GTF3C1: variants seen among roughly 807,000 people sequenced by gnomAD.
GTF3C1 encodes the protein general transcription factor 3C polypeptide 1.
A neutral mutation model predicts 226.7 loss-of-function variants in GTF3C1; 57 were observed. The observed-to-expected ratio is 0.25, with a 90% CI of 0.20 to 0.31. GTF3C1 has a LOEUF of 0.31. Among genes scored for constraint, GTF3C1 ranks in the 10% least tolerant of loss-of-function variants. The pLI is 1.00. For missense variants in GTF3C1, 2,217 were observed against 2,776.1 expected (o/e 0.80, Z 4.53); for synonymous variants, 1,090 against 1,084.8 (o/e 1.00, Z -0.09).
rs1187537916 is a variant in GTF3C1 at position 27,462,288 on chromosome 16, C to T, written c.6117+6G>A. 6.5e-7 allele frequency: 1 copy of T among 1,546,600 alleles called. No individual in the cohort carries two copies. The highest frequency in any genetic ancestry group is 8.7e-7 in the Non-Finnish European group (1 of 1,145,718). ...ACACCCTGCTGAACCCAGGAAGGCC[C>T]CACACCTGGAGCAACTCCAGCACGG... On this transcript the variant is annotated splice_donor_region_variant and intron_variant, in intron 36 of 36. Coordinates refer to ENST00000356183, the MANE Select transcript of GTF3C1 (RefSeq NM_001520.4). This position sits in a 1 kb window ranked among gnomAD's most constrained non-coding sequence, Gnocchi z 4.5.
rs371689122 is a variant in GTF3C1, at chr16:27,502,827, G to GCAGA, written c.1907+28_1907+31dup. ...GGTAGGAGGATTACTGTTAGTGCCA[G>GCAGA]CAGACAGACAGACAGACAGACAGCT... On this transcript the variant is annotated intron_variant, in intron 11 of 36. Transcript: ENST00000356183. 1,716 of 1,549,748 alleles carry GCAGA rather than the reference G, an allele frequency of 1.1e-3. 2 individuals are homozygous for GCAGA. Among genetic ancestry groups the GCAGA allele is most frequent in the South Asian group, 3.9e-3 (327 of 84,024 alleles).
chr16:27,505,821 A>G, intron 10 of GTF3C1, 78 bp downstream of exon 10: 1 of 839,004 alleles, frequency 1.2e-6, no homozygotes, highest in Middle Eastern at 2.5e-4. Flanking sequence ...CACTGTGATC[A>G]TGTGATTCCT....
At position 27,518,188 on chromosome 16, in the gene GTF3C1, GAC is replaced by G. The variant is rs113867049; in HGVS notation, c.974-6289_974-6288del. On this transcript the variant is annotated intron_variant, in intron 6 of 36. Transcript: ENST00000356183. The stretch of plus-strand genomic sequence containing the variant: ...TTACCTCCCCACCACCCCCGCCCAA[GAC>G]ACACACACACACACACACATGCCTG... Among the ~76,000 whole-genome samples, 999 of 148,918 alleles carry G rather than the reference GAC, an allele frequency of 6.7e-3. 12 individuals carry two copies. Among genetic ancestry groups the G allele is most frequent in the African/African-American group, 0.022 (887 of 40,920 alleles).
intron 34 of GTF3C1, 189 bp downstream of exon 34, chr16:27,464,131 T>C (rs1458338987): frequency 6.6e-6 from 3 of 453,408 alleles, no homozygotes; most frequent in Non-Finnish European, 1.1e-5. Context: ...AGGCCTGCCC[T>C]CCCCTGGAAA....
chr16:27,495,515 C>G, intron 14 of GTF3C1, 23 bp from the exon 15 acceptor site: 1 of 1,600,632 alleles, frequency 6.2e-7, no homozygotes, highest in Non-Finnish European at 8.5e-7. Context: ...AGGGAGAGGG[C>G]GGTGCTTGAA....
At chr16:27,535,218 T>C (rs2088982157) in intron 4 of GTF3C1, among the ~76,000 whole-genome samples, 1 of 152,196 alleles carries the variant, frequency 6.6e-6, no homozygotes, top group Non-Finnish European at 1.5e-5. Context: ...GTTAATAACT[T>C]CGTAGCCACC....
At chr16:27,547,205 C>G (rs1380892230) in intron 1 of GTF3C1, among the ~76,000 whole-genome samples, 2 of 152,150 alleles carry the variant, frequency 1.3e-5, no homozygotes, top group Non-Finnish European at 2.9e-5. Context: ...AGCTATATCT[C>G]AAGACCTCCA....
intron 12 of GTF3C1, among the ~76,000 whole-genome samples, chr16:27,500,799 T>C (rs2088393999): frequency 6.6e-6 from 1 of 152,274 alleles, no homozygotes; most frequent in South Asian, 2.1e-4. Flanking sequence ...ACTGACTCAA[T>C]GCCATTGCTT....
chr16:27,473,654 A>G (rs947820229), intron 29 of GTF3C1, among the ~76,000 whole-genome samples: 6 of 151,922 alleles, frequency 3.9e-5, no homozygotes, highest in African/African-American at 1.4e-4. Context: ...GGAGGGACAC[A>G]AGGGGACCGG....
intron 1 of GTF3C1, among the ~76,000 whole-genome samples, chr16:27,546,947 AG>A (rs1208564022): frequency 6.6e-6 from 1 of 151,966 alleles, no homozygotes; most frequent in Non-Finnish European, 1.5e-5. Flanking sequence ...TTGTATTTTT[AG>A]TAGAGAGAGG....
chr16:27,497,238 A>T lies in GTF3C1; in HGVS notation c.2350+399T>A, dbSNP rs116208124. Among the ~76,000 whole-genome samples the T allele has an allele frequency of 6.7e-3, 1,023 of 152,312 alleles. 15 individuals are homozygous for T. The highest frequency in any genetic ancestry group is 0.024 in the African/African-American group (981 of 41,566). On this transcript the variant is annotated intron_variant, in intron 14 of 36. Transcript: ENST00000356183. ...CCCATCAGTGCTCCAACTCTGAGGA[A>T]ATTATAGGAGCACTCAGACTCATCA...
rs367568886 is a variant in GTF3C1, at chr16:27,470,092, G to A, written c.4814+16C>T. On this transcript the variant is annotated intron_variant, in intron 31 of 36. Transcript: ENST00000356183. This position sits in a 1 kb window ranked among gnomAD's most constrained non-coding sequence, Gnocchi z 4.9. ...GCACGTGGCCAGACCTGATGCTGCG[G>A]ATGCCGGACTCTTACCTTTTGATGA... is the stretch of plus-strand genomic sequence containing the variant. 35 of 1,606,150 alleles carry A rather than the reference G, an allele frequency of 2.2e-5. No individual in the cohort carries two copies. The African/African-American group carries it at 4.2e-4, about 19-fold the overall frequency.
Position 27,470,071 on chromosome 16 carries a change from G to A in GTF3C1, c.4814+37C>T, listed in dbSNP as rs1020565508. 7 of 1,563,006 alleles carry A rather than the reference G, an allele frequency of 4.5e-6. No homozygotes were observed. The highest frequency in any genetic ancestry group is 2.7e-5 in the African/African-American group (2 of 73,668). On this transcript the variant is annotated intron_variant, in intron 31 of 36. Coordinates refer to ENST00000356183, the MANE Select transcript of GTF3C1 (RefSeq NM_001520.4). The surrounding 1 kb of genome is among the most constrained non-coding windows in gnomAD (Gnocchi z 4.9). ...TCTGTATCTGGCCAATGCCTAGCACGTGGCCAGACCTGATGCTGCGGATGC... is the reference window on the plus strand; with the variant it reads ...TCTGTATCTGGCCAATGCCTAGCACATGGCCAGACCTGATGCTGCGGATGC...
At chr16:27,480,990 C>A (rs1483761283) in intron 27 of GTF3C1, 89 bp downstream of exon 27, 4 of 1,065,672 alleles carry the variant, frequency 3.8e-6, no homozygotes, top group Non-Finnish European at 5.8e-6. Context: ...GTGCTGTGCG[C>A]TTCCCGGACC....
intron 7 of GTF3C1, among the ~76,000 whole-genome samples, chr16:27,510,644 A>G (rs967636816): frequency 5.3e-5 from 8 of 152,212 alleles, no homozygotes; most frequent in Non-Finnish European, 1.2e-4. Flanking sequence ...GCTACCAAAC[A>G]GCCCTCCAGA....
chr16:27,524,411 C>G (rs563654485), intron 6 of GTF3C1, among the ~76,000 whole-genome samples: 1 of 152,328 alleles, frequency 6.6e-6, no homozygotes, highest in African/African-American at 2.4e-5. Flanking sequence ...TGGCCCTGCT[C>G]TATGTCTACT....
In GTF3C1 at chr16:27,492,726, G is replaced by GA; in HGVS notation, c.2877-14_2877-13insT. On this transcript the variant is annotated splice_polypyrimidine_tract_variant and intron_variant, in intron 17 of 36. Coordinates refer to ENST00000356183, the MANE Select transcript of GTF3C1 (RefSeq NM_001520.4). The surrounding 1 kb of genome is among the most constrained non-coding windows in gnomAD (Gnocchi z 5.0). ...AAAAATGTAACGCCTAGAAAACAGA[G>GA]GGGGCGGGAGGTTCTCATCACACCA... 1 of 1,438,694 alleles carries GA rather than the reference G, an allele frequency of 7.0e-7. No homozygotes were observed. Among genetic ancestry groups the GA allele is most frequent in the Non-Finnish European group, 9.8e-7 (1 of 1,019,564 alleles). 89.1% of individuals were successfully genotyped at this position (1,438,694 alleles called of 1,614,324 possible). A position where few individuals can be genotyped will look rare whatever the true frequency, so the allele number is the denominator to read the frequency against.
At chr16:27,517,580 G>A (rs1042535287) in intron 6 of GTF3C1, among the ~76,000 whole-genome samples, 19 of 152,206 alleles carry the variant, frequency 1.2e-4, no homozygotes, top group African/African-American at 4.3e-4. Flanking sequence ...GGAGTTTCAG[G>A]CATTTTAAAG....
chr16:27,493,093 GGAA>G (rs1401317013), intron 17 of GTF3C1, 103 bp downstream of exon 17: 3 of 691,632 alleles, frequency 4.3e-6, no homozygotes, highest in East Asian at 2.6e-5. Flanking sequence ...TTTGCAAGCT[GGAA>G]GTTAGAAACC....
Sources: allele counts gnomAD v4.1 joint callset (sites outside exome capture counted in the v4.1 genomes callset), GRCh38; gene constraint gnomAD v4.1.1; non-coding constraint Gnocchi (gnomAD v3.1); transcripts MANE v1.5; gene names NCBI Gene and HGNC (gene_info 2026-07-23, HGNC 2026-07-21).